The following KCND2 variants were observed in gnomAD, a reference collection of about 807,000 sequenced individuals.
The protein encoded by KCND2 is A-type voltage-gated potassium channel KCND2.
Under a neutral mutation model 54.4 loss-of-function variants are expected in KCND2, and 16 were observed. That is an observed-to-expected ratio of 0.29 (90% CI 0.20 to 0.45). The LOEUF is 0.45. Among genes scored for constraint, KCND2 ranks in the 20% least tolerant of loss-of-function variants. The pLI is 1.00. For missense variants in KCND2, 486 were observed against 824.2 expected, an observed-to-expected ratio of 0.59 and a Z score of 5.02; for synonymous variants, 317 against 310.7, an observed-to-expected ratio of 1.02 and a Z score of -0.21.
At chr7:120,525,849 C>G (rs910974181) in intron 1 of KCND2, among the ~76,000 whole-genome samples, 1 of 152,140 alleles carries the variant, frequency 6.6e-6, no homozygotes, top group Admixed American at 6.6e-5. Context: ...TTTTTAGGTA[C>G]ACAACCCTGT....
intron 1 of KCND2, among the ~76,000 whole-genome samples, chr7:120,642,246 T>C (rs1793385285): frequency 6.6e-6 from 1 of 152,048 alleles, no homozygotes; most frequent in African/African-American, 2.4e-5. Flanking sequence ...TGTAGACTAG[T>C]TTTTATTACA....
Position 120,746,180 on chromosome 7 carries a change from T to A in KCND2, c.1715+153T>A, listed in dbSNP as rs188947224. ...GGTAGCGTAACAAGTAGGAAAATGG[T>A]TCTGCTTGCATATCCATTAAGGGTT... is the stretch of plus-strand genomic sequence containing the variant. On this transcript the variant is annotated intron_variant, in intron 5 of 5. Coordinates refer to ENST00000331113, the MANE Select transcript of KCND2 (RefSeq NM_012281.3). Among the ~76,000 whole-genome samples the A allele has an allele frequency of 3.0e-4, 45 of 152,272 alleles. 1 individual carries two copies. In the East Asian group the frequency reaches 8.1e-3, roughly 27 times the overall value.
chr7:120,340,111 G>A (rs1029490645), intron 1 of KCND2, among the ~76,000 whole-genome samples: 21 of 152,182 alleles, frequency 1.4e-4, no homozygotes, highest in African/African-American at 4.6e-4. Context: ...ATTTAGAGCA[G>A]AAGAGAGACT....
chr7:120,454,235 A>G (rs1435711883), intron 1 of KCND2, among the ~76,000 whole-genome samples: 3 of 152,182 alleles, frequency 2.0e-5, no homozygotes, highest in Non-Finnish European at 2.9e-5. Context: ...AAATTGAGAC[A>G]TAAAAATCCA....
chr7:120,609,853 C>T (rs769647763), intron 1 of KCND2, among the ~76,000 whole-genome samples: 2 of 152,124 alleles, frequency 1.3e-5, no homozygotes, highest in Non-Finnish European at 2.9e-5. Context: ...ACAGGGCCCT[C>T]ATAAATCCAG....
At chr7:120,535,628 C>G (rs1231612160) in intron 1 of KCND2, among the ~76,000 whole-genome samples, 3 of 152,178 alleles carry the variant, frequency 2.0e-5, no homozygotes, top group African/African-American at 4.8e-5. Context: ...TCACAAAGTA[C>G]TATTCACAAC....
intron 1 of KCND2, among the ~76,000 whole-genome samples, chr7:120,400,076 A>C (rs944808738): frequency 6.6e-6 from 1 of 152,250 alleles, no homozygotes; most frequent in African/African-American, 2.4e-5. Flanking sequence ...TCCATGAAAC[A>C]CCAAAACTCA....
At chr7:120,357,644 T>C (rs1353002328) in intron 1 of KCND2, among the ~76,000 whole-genome samples, 1 of 151,974 alleles carries the variant, frequency 6.6e-6, no homozygotes, top group Non-Finnish European at 1.5e-5. Flanking sequence ...GGCAGTATAT[T>C]ATTTTGCCAG....
chr7:120,634,740 T>C (rs965800628), intron 1 of KCND2, among the ~76,000 whole-genome samples: 3 of 152,236 alleles, frequency 2.0e-5, no homozygotes, highest in African/African-American at 7.2e-5. Context: ...TTATTCTTCT[T>C]TCTAAAACCC....
At chr7:120,393,288 A>G (rs1050426787) in intron 1 of KCND2, among the ~76,000 whole-genome samples, 8 of 152,040 alleles carry the variant, frequency 5.3e-5, no homozygotes, top group African/African-American at 7.2e-5. Context: ...TCGTACCAAT[A>G]TGTATATTGC....
intron 1 of KCND2, among the ~76,000 whole-genome samples, chr7:120,299,711 T>C (rs925551744): frequency 6.6e-6 from 1 of 152,138 alleles, no homozygotes; most frequent in Non-Finnish European, 1.5e-5. Context: ...ACATATAACA[T>C]CTGCGTTCCA....
chr7:120,422,689 C>T (rs1471398668), intron 1 of KCND2, among the ~76,000 whole-genome samples: 4 of 152,192 alleles, frequency 2.6e-5, no homozygotes, highest in Non-Finnish European at 5.9e-5. Flanking sequence ...CCACCTCGCT[C>T]TGCTTTCTCT....
At chr7:120,421,582 G>A (rs955708150) in intron 1 of KCND2, among the ~76,000 whole-genome samples, 2 of 152,190 alleles carry the variant, frequency 1.3e-5, no homozygotes, top group African/African-American at 4.8e-5. Flanking sequence ...TGACACCTAA[G>A]CATCTGCATT....
intron 2 of KCND2, among the ~76,000 whole-genome samples, chr7:120,740,226 G>T (rs911772499): frequency 1.3e-5 from 2 of 151,956 alleles, no homozygotes; most frequent in African/African-American, 2.4e-5. Flanking sequence ...CTGAAGCCTA[G>T]GAGTGGGATG....
At chr7:120,427,582 C>T (rs1801729169) in intron 1 of KCND2, among the ~76,000 whole-genome samples, 1 of 152,000 alleles carries the variant, frequency 6.6e-6, no homozygotes, top group African/African-American at 2.4e-5. Context: ...TGTGAATAGA[C>T]TATTAAAAGC....
intron 1 of KCND2, among the ~76,000 whole-genome samples, chr7:120,409,284 T>C (rs960050697): frequency 1.3e-5 from 2 of 151,930 alleles, no homozygotes; most frequent in East Asian, 1.9e-4. Context: ...AAAGATACAA[T>C]GTAATATTCA....
intron 1 of KCND2, among the ~76,000 whole-genome samples, chr7:120,479,923 C>T (rs1413194342): frequency 4.9e-5 from 7 of 143,732 alleles, no homozygotes; most frequent in African/African-American, 1.5e-4. Flanking sequence ...GCCGAGATCG[C>T]GCCACTGCAC....
intron 1 of KCND2, among the ~76,000 whole-genome samples, chr7:120,510,189 T>C (rs1395579073): frequency 1.3e-5 from 2 of 152,280 alleles, no homozygotes; most frequent in African/African-American, 4.8e-5. Context: ...GCATATTAAG[T>C]ACAACATATT....
At chr7:120,713,137 G>T (rs777160214) in intron 1 of KCND2, among the ~76,000 whole-genome samples, 1 of 152,016 alleles carries the variant, frequency 6.6e-6, no homozygotes, top group Non-Finnish European at 1.5e-5. Flanking sequence ...TCCATATAAG[G>T]TTCTTAGCAT....
Sources: allele counts gnomAD v4.1 joint callset (sites outside exome capture counted in the v4.1 genomes callset), GRCh38; gene constraint gnomAD v4.1.1; transcripts MANE v1.5; gene names NCBI Gene and HGNC (gene_info 2026-07-23, HGNC 2026-07-21).